SLC30A8: variants seen among roughly 807,000 people sequenced by gnomAD.
SLC30A8 encodes solute carrier family 30 member 8, also known as proton-coupled zinc antiporter SLC30A8.
In SLC30A8, 27 loss-of-function variants were observed where a neutral mutation model predicts 36.9. The ratio of observed to expected loss-of-function variants is 0.73; its 90% confidence interval spans 0.54 to 1.01. SLC30A8 has a LOEUF of 1.01. SLC30A8 is among the 50% of genes least tolerant of loss of function. The pLI, the probability that SLC30A8 is intolerant of heterozygous loss-of-function variation, is 0.00. For missense variants in SLC30A8, 439 were observed against 452.0 expected (o/e 0.97, Z 0.26); for synonymous variants, 164 against 172.4 (o/e 0.95, Z 0.38).
At chr8:117,028,040 A>T (rs540205420) in intron 1 of SLC30A8, among the ~76,000 whole-genome samples, 5 of 152,296 alleles carry the variant, frequency 3.3e-5, no homozygotes, top group African/African-American at 1.2e-4. Flanking sequence ...CAAGGACTCT[A>T]ACTTTCTTGG....
At chr8:116,955,813 C>T (rs1400426178) in intron 1 of SLC30A8, among the ~76,000 whole-genome samples, 1 of 152,022 alleles carries the variant, frequency 6.6e-6, no homozygotes, top group Non-Finnish European at 1.5e-5. Context: ...AATTGTGGGA[C>T]AGACAGATTC....
chr8:116,979,062 C>A (rs1430281387), intron 1 of SLC30A8, among the ~76,000 whole-genome samples: 1 of 151,250 alleles, frequency 6.6e-6, no homozygotes, highest in Non-Finnish European at 1.5e-5. Context: ...CATGATGAAA[C>A]CCCGTCTCTA....
rs1002442898 is a variant in SLC30A8, at chr8:117,035,292, G to T, written c.-265-3927G>T. ...TAGTTACTTCCAAGATACAGTAAGG[G>T]TACAGGTATTGTATAAATGCTCCCA... On this transcript the variant is annotated intron_variant, in intron 1 of 10. Transcript: ENST00000427715. 2.6e-5 allele frequency among the ~76,000 whole-genome samples: 4 copies of T among 152,240 alleles called. No homozygotes were observed. The South Asian group carries it at 8.3e-4, about 32-fold the overall frequency.
chr8:117,047,883 G>A (rs1443671240), intron 2 of SLC30A8, among the ~76,000 whole-genome samples: 1 of 152,168 alleles, frequency 6.6e-6, no homozygotes, highest in East Asian at 1.9e-4. Flanking sequence ...TGACAAGAGT[G>A]ACCTCTGGTC....
At chr8:117,072,519 A>G (rs1818361727) in intron 2 of SLC30A8, among the ~76,000 whole-genome samples, 2 of 152,226 alleles carry the variant, frequency 1.3e-5, no homozygotes. Context: ...ATCAAGGATA[A>G]CATTCATCAT....
chr8:117,033,192 C>G (rs1263983843), intron 1 of SLC30A8, among the ~76,000 whole-genome samples: 1 of 152,222 alleles, frequency 6.6e-6, no homozygotes, highest in Non-Finnish European at 1.5e-5. Flanking sequence ...AATACATACA[C>G]AAGCATGTTC....
chr8:117,162,223 G>A (rs1454461727), intron 5 of SLC30A8, among the ~76,000 whole-genome samples: 2 of 152,132 alleles, frequency 1.3e-5, no homozygotes, highest in East Asian at 1.9e-4. Flanking sequence ...TTTTAGAAAC[G>A]ATCCAACTTC....
chr8:116,951,418 C>T (rs985445748), intron 1 of SLC30A8, among the ~76,000 whole-genome samples: 2 of 152,136 alleles, frequency 1.3e-5, no homozygotes, highest in African/African-American at 4.8e-5. Context: ...TGGCCCCTGG[C>T]AAGGATTGCT....
At chr8:117,081,585 C>T (rs1818679065) in intron 2 of SLC30A8, among the ~76,000 whole-genome samples, 1 of 152,136 alleles carries the variant, frequency 6.6e-6, no homozygotes, top group African/African-American at 2.4e-5. Flanking sequence ...GACTGCAATT[C>T]AGTCCCTAAT....
At chr8:117,026,302 A>G (rs1384598013) in intron 1 of SLC30A8, among the ~76,000 whole-genome samples, 1 of 152,194 alleles carries the variant, frequency 6.6e-6, no homozygotes, top group Non-Finnish European at 1.5e-5. Context: ...AGATAAAGAT[A>G]AGTCAAGAGC....
chr8:116,962,835 T>G (rs564456274), intron 1 of SLC30A8, among the ~76,000 whole-genome samples: 4 of 152,066 alleles, frequency 2.6e-5, no homozygotes, highest in Admixed American at 2.0e-4. Context: ...AGGTTAATAA[T>G]TTGGGAGCAG....
At chr8:117,159,190 GTGT>G (rs1822654341) in intron 4 of SLC30A8, among the ~76,000 whole-genome samples, 1 of 152,170 alleles carries the variant, frequency 6.6e-6, no homozygotes, top group Admixed American at 6.6e-5. Flanking sequence ...TAATAAGTTT[GTGT>G]TGTTTTAAGC....
chr8:117,031,694 C>G (rs1238051274), intron 1 of SLC30A8, among the ~76,000 whole-genome samples: 1 of 152,128 alleles, frequency 6.6e-6, no homozygotes, highest in Admixed American at 6.5e-5. Context: ...AAACCCCTGA[C>G]TTCAGGTGAG....
intron 1 of SLC30A8, among the ~76,000 whole-genome samples, chr8:116,961,889 A>G (rs999551568): frequency 6.6e-6 from 1 of 152,026 alleles, no homozygotes; most frequent in Middle Eastern, 3.4e-3. Flanking sequence ...GTATTAATCC[A>G]TGCATGAGGT....
intron 1 of SLC30A8, among the ~76,000 whole-genome samples, chr8:117,007,400 A>G (rs1816219072): frequency 6.6e-6 from 1 of 152,194 alleles, no homozygotes; most frequent in African/African-American, 2.4e-5. Flanking sequence ...GAAGTAGATT[A>G]TTTTGGGAAA....
intron 2 of SLC30A8, among the ~76,000 whole-genome samples, chr8:117,059,331 A>G (rs962158138): frequency 6.6e-6 from 1 of 152,220 alleles, no homozygotes; most frequent in Admixed American, 6.5e-5. Flanking sequence ...AGGAAACTAC[A>G]AATAACAAGC....
intron 2 of SLC30A8, among the ~76,000 whole-genome samples, chr8:117,042,180 T>G (rs1817406570): frequency 6.6e-6 from 1 of 152,178 alleles, no homozygotes; most frequent in African/African-American, 2.4e-5. Context: ...TTCAAAGACA[T>G]TATGATGTCT....
chr8:117,044,238 T>C lies in SLC30A8; in HGVS notation c.-226+4980T>C, dbSNP rs145516730. Among the ~76,000 whole-genome samples the C allele has an allele frequency of 2.7e-3, 407 of 152,310 alleles. 2 individuals carry two copies. The highest frequency in any genetic ancestry group is 9.7e-3 in the African/African-American group (403 of 41,560). On this transcript the variant is annotated intron_variant, in intron 2 of 10. Transcript: ENST00000427715. ...AAGGCCAAGAATTCACCATTGTTTC[T>C]GGGGCTGCTGTGCAACAGAAAGTCA... is the stretch of plus-strand genomic sequence containing the variant.
At chr8:116,960,842 A>C (rs989789123) in intron 1 of SLC30A8, among the ~76,000 whole-genome samples, 1 of 152,160 alleles carries the variant, frequency 6.6e-6, no homozygotes, top group Admixed American at 6.5e-5. Context: ...ATATGAGGAA[A>C]ATCTCCTCTT....
Sources: gnomAD v4.1 joint callset for allele counts (sites outside exome capture counted in the v4.1 genomes callset) on GRCh38, gnomAD v4.1.1 for gene constraint, MANE v1.5 for transcripts, NCBI Gene and HGNC (gene_info 2026-07-23, HGNC 2026-07-21) for gene names.